Variants in DMXL2 observed in about 807,000 individuals in gnomAD.
The protein encoded by DMXL2 is dmX-like protein 2.
In DMXL2, 103 loss-of-function variants were observed where a neutral mutation model predicts 331.1. The ratio of observed to expected loss-of-function variants is 0.31; its 90% CI spans 0.27 to 0.37. DMXL2 has a LOEUF of 0.37. Among genes scored for constraint, DMXL2 ranks in the 10% least tolerant of loss-of-function variants. DMXL2 has a pLI of 1.00. For missense variants in DMXL2, 3,171 were observed against 3,642.9 expected, an observed-to-expected ratio of 0.87 and a Z score of 3.33; for synonymous variants, 1,281 against 1,252.1, an observed-to-expected ratio of 1.02 and a Z score of -0.49.
At chr15:51,454,039 A>G (rs11631408) in intron 40 of DMXL2, 86,859 of 170,638 alleles carry the variant, frequency 0.51, 22,816 homozygotes, top group Non-Finnish European at 0.56. Context: ...AAGGTATTTT[A>G]AAATATAATG....
rs138732941 is a variant in DMXL2 at position 51,495,285 on chromosome 15, C to G, written c.4673-151G>C. ...CTTCCTGAACACTTTAACGTCTTTACAAAAAATTATCTTTACAAAAAAAAA... is the reference window on the plus strand; with the variant it reads ...CTTCCTGAACACTTTAACGTCTTTAGAAAAAATTATCTTTACAAAAAAAAA... On this transcript the variant is annotated intron_variant, in intron 18 of 43. Coordinates refer to ENST00000560891, the MANE Select transcript of DMXL2 (RefSeq NM_001378457.1). 1,713 of 425,512 alleles carry G rather than the reference C, an allele frequency of 4.0e-3. 19 individuals are homozygous for G. The highest frequency in any genetic ancestry group is 0.033 in the African/African-American group (1,597 of 49,068). 26.4% of individuals were successfully genotyped at this position (425,512 alleles called of 1,614,324 possible).
At position 51,465,056 on chromosome 15, in the gene DMXL2, C is replaced by T. The variant is rs534177813; in HGVS notation, c.7607-180G>A. 2.0e-5 allele frequency among the ~76,000 whole-genome samples: 3 copies of T among 152,260 alleles called. No individual in the cohort carries two copies. In the South Asian group the frequency reaches 6.2e-4, roughly 32 times the overall value. The stretch of plus-strand genomic sequence containing the variant: ...AACAAAACAGAAGTGGGTTTCTGCT[C>T]TTTCTCAATCTTCTGTGTAGAGAGT... On this transcript the variant is annotated intron_variant, in intron 31 of 43. Coordinates refer to ENST00000560891, the MANE Select transcript of DMXL2 (RefSeq NM_001378457.1).
At position 51,498,727 on chromosome 15, in the gene DMXL2, A is replaced by C; in HGVS notation, c.4497T>G (p.Ser1499=). The C allele has an allele frequency of 6.2e-7, 1 of 1,614,182 alleles. No homozygotes were observed. The highest frequency in any genetic ancestry group is 8.5e-7 in the Non-Finnish European group (1 of 1,180,026). ...RENKSKVINL[S]QYGPAYFGQE... is the part of the protein sequence containing the mutation. ...GGCCAAAGTAAGCTGGTCCATATTG[A>C]GAAAGATTTATTACTTTTGATTTGT... The change falls in exon 18 of 44, where the codon TCT becomes TCG. Residue 1499 remains serine, a synonymous_variant. Transcript: ENST00000560891.
intron 1 of DMXL2, among the ~76,000 whole-genome samples, chr15:51,607,797 T>C (rs2053692398): frequency 6.6e-6 from 1 of 152,048 alleles, no homozygotes; most frequent in Non-Finnish European, 1.5e-5. Context: ...ACAGAAACAG[T>C]AGAGACCAGA....
intron 2 of DMXL2, among the ~76,000 whole-genome samples, chr15:51,569,049 G>A (rs750520746): frequency 2.8e-4 from 43 of 152,152 alleles, no homozygotes; most frequent in African/African-American, 8.5e-4. Flanking sequence ...TGTGAGAGAC[G>A]GTACCGGGAA....
intron 13 of DMXL2, among the ~76,000 whole-genome samples, chr15:51,517,730 C>T (rs764216601): frequency 1.4e-4 from 22 of 152,288 alleles, no homozygotes; most frequent in Admixed American, 9.8e-4. Context: ...GAAAGAAATG[C>T]CCATTCTCCT....
intron 1 of DMXL2, among the ~76,000 whole-genome samples, chr15:51,577,446 A>T (rs1171543877): frequency 6.6e-6 from 1 of 152,220 alleles, no homozygotes; most frequent in Non-Finnish European, 1.5e-5. Context: ...TATAAAAATC[A>T]AAAAGTTCAC....
intron 9 of DMXL2, 27 bp from the exon 10 acceptor site, chr15:51,538,479 T>C (rs1567087793): frequency 6.6e-7 from 1 of 1,518,860 alleles, no homozygotes. Context: ...GATTTCAATA[T>C]AATTTTTTTT....
chr15:51,471,418 G>T lies in DMXL2; in HGVS notation c.7214-17C>A. The T allele has an allele frequency of 6.5e-7, 1 of 1,548,086 alleles. No homozygotes were observed. Among genetic ancestry groups the T allele is most frequent in the Non-Finnish European group, 8.7e-7 (1 of 1,145,946 alleles). On this transcript the variant is annotated splice_polypyrimidine_tract_variant and intron_variant, in intron 28 of 43. Coordinates refer to ENST00000560891, the MANE Select transcript of DMXL2 (RefSeq NM_001378457.1). ...CAGGAGGTGCTAAATGAAGATAGAA[G>T]GAAAAAAAAATCTAGCATTCATTTT...
intron 2 of DMXL2, 140 bp downstream of exon 2, chr15:51,575,916 T>C (rs1376690970): frequency 2.5e-6 from 2 of 806,296 alleles, no homozygotes; most frequent in Non-Finnish European, 2.0e-6. Context: ...TATAAACCTA[T>C]CACTTTGCAA....
At chr15:51,494,749 T>C (rs1306764292) in intron 19 of DMXL2, among the ~76,000 whole-genome samples, 1 of 152,186 alleles carries the variant, frequency 6.6e-6, no homozygotes, top group Admixed American at 6.6e-5. Context: ...ACAGCCACTT[T>C]GGGTTACAAC....
intron 6 of DMXL2, among the ~76,000 whole-genome samples, chr15:51,557,651 TA>T (rs1424096511): frequency 6.6e-6 from 1 of 152,160 alleles, no homozygotes; most frequent in Non-Finnish European, 1.5e-5. Flanking sequence ...CTATAGCAAT[TA>T]AGTCAGGTGA....
At position 51,449,155 on chromosome 15, in the gene DMXL2, A is replaced by C. The variant is rs761034301; in HGVS notation, c.9006T>G (p.Phe3002Leu). ...RLTGHGLIHSFKSEHAKQSIF... is the reference protein window; with the variant it reads ...RLTGHGLIHSLKSEHAKQSIF... ...TGGACTGCTTAGCATGTTCACTTTT[A>C]AATGAATGAATTAGGCCATGGCCTG... is the stretch of plus-strand genomic sequence containing the variant. The change falls in exon 44 of 44, where the codon TTT (phenylalanine) becomes TTG (leucine). Residue 3002 changes from phenylalanine (F) to leucine (L), a missense_variant. By Grantham distance (22) the Phe-to-Leu change is conservative. This residue lies in a region of DMXL2 where 766 missense variants were observed against 940.5 expected (regional missense o/e 0.81). Coordinates refer to ENST00000560891, the MANE Select transcript of DMXL2 (RefSeq NM_001378457.1). The C allele has an allele frequency of 1.9e-6, 3 of 1,614,216 alleles. No individual in the cohort carries two copies. The highest frequency in any genetic ancestry group is 2.2e-5 in the South Asian group (2 of 91,084).
chr15:51,607,800 A>G (rs1262530849), intron 1 of DMXL2, among the ~76,000 whole-genome samples: 2 of 152,226 alleles, frequency 1.3e-5, no homozygotes, highest in Admixed American at 1.3e-4. Flanking sequence ...GAAACAGTAG[A>G]GACCAGAAGA....
rs751175568 is a variant in DMXL2 at position 51,514,481 on chromosome 15, C to T, written c.2605G>A (p.Glu869Lys). ...IGYKPHKEDM[E>K]KKETEIFFQP... ...AAAAATATTTCTGTTTCCTTTTTCT[C>T]CATATCTTCCTTATGTGGTTTATAT... Residue 869 changes from glutamate (E) to lysine (K), a missense_variant, in exon 15 of 44, where the codon GAG (glutamate) becomes AAG (lysine). Transcript: ENST00000560891. 34 of 1,588,046 alleles carry T rather than the reference C, an allele frequency of 2.1e-5. No individual in the cohort carries two copies. Among genetic ancestry groups the T allele is most frequent in the Non-Finnish European group, 2.8e-5 (33 of 1,166,404 alleles).
intron 12 of DMXL2, 41 bp from the exon 13 acceptor site, chr15:51,535,825 G>C: frequency 6.4e-7 from 1 of 1,560,328 alleles, no homozygotes; most frequent in Non-Finnish European, 8.6e-7. Flanking sequence ...TAAACATGTA[G>C]TGTATTTTTC....
chr15:51,513,587 A>G (rs867923339), intron 15 of DMXL2, among the ~76,000 whole-genome samples: 1 of 152,302 alleles, frequency 6.6e-6, no homozygotes, highest in African/African-American at 2.4e-5. Context: ...GTCTGCACAA[A>G]TTACATAGAA....
At chr15:51,559,957 G>A (rs1374752527) in intron 6 of DMXL2, among the ~76,000 whole-genome samples, 1 of 152,072 alleles carries the variant, frequency 6.6e-6, no homozygotes, top group Non-Finnish European at 1.5e-5. Flanking sequence ...ATACCCAAGA[G>A]AAATCCACAC....
intron 6 of DMXL2, among the ~76,000 whole-genome samples, chr15:51,549,571 C>T (rs1164894007): frequency 6.6e-6 from 1 of 152,112 alleles, no homozygotes; most frequent in Non-Finnish European, 1.5e-5. Flanking sequence ...TTTACATTCC[C>T]AACATCAGTG....
Sources: allele counts gnomAD v4.1 joint callset (sites outside exome capture counted in the v4.1 genomes callset), GRCh38; gene constraint gnomAD v4.1.1; regional missense constraint gnomAD v4.1.1; transcripts MANE v1.5; gene names NCBI Gene and HGNC (gene_info 2026-07-23, HGNC 2026-07-21).